The following ZNF385D variants were observed in gnomAD, a reference collection of about 807,000 sequenced individuals.
ZNF385D encodes zinc finger protein 385D.
In ZNF385D, 15 loss-of-function variants were observed where a neutral mutation model predicts 35.8. That is an observed-to-expected ratio of 0.42 (90% confidence interval 0.28 to 0.64). The LOEUF is 0.64. Ranked by LOEUF, ZNF385D falls within the 30% of genes least tolerant of loss-of-function variation. The pLI, the probability that ZNF385D is intolerant of heterozygous loss-of-function variation, is 0.23. For synonymous variants in ZNF385D, 212 were observed against 186.8 expected (o/e 1.13, Z -1.10); for missense variants, 474 against 494.6 (o/e 0.96, Z 0.39).
intron 3 of ZNF385D, among the ~76,000 whole-genome samples, chr3:22,056,647 A>G (rs1699417949): frequency 6.6e-6 from 1 of 152,256 alleles, no homozygotes; most frequent in Non-Finnish European, 1.5e-5. Flanking sequence ...GACAGTTTTA[A>G]TTCAAAACTA....
chr3:21,493,532 A>G (rs991880783), intron 4 of ZNF385D, among the ~76,000 whole-genome samples: 2 of 152,092 alleles, frequency 1.3e-5, no homozygotes, highest in Middle Eastern at 3.2e-3. Flanking sequence ...ACACTAACTT[A>G]TTTTTAAGTA....
intron 3 of ZNF385D, among the ~76,000 whole-genome samples, chr3:22,041,097 C>T (rs1698637227): frequency 6.6e-6 from 1 of 152,212 alleles, no homozygotes; most frequent in South Asian, 2.1e-4. Flanking sequence ...AGTTCTCCCG[C>T]TCTGTCACTC....
intron 3 of ZNF385D, among the ~76,000 whole-genome samples, chr3:21,768,217 G>C (rs369721408): frequency 6.6e-6 from 1 of 152,166 alleles, no homozygotes. Context: ...CTTAAAGATA[G>C]AGTTATTACC....
chr3:21,953,763 T>C (rs966753001), intron 3 of ZNF385D, among the ~76,000 whole-genome samples: 23 of 151,972 alleles, frequency 1.5e-4, no homozygotes, highest in Non-Finnish European at 2.2e-4. Flanking sequence ...CCTGAGAGAG[T>C]AATTTACTTA....
intron 2 of ZNF385D, among the ~76,000 whole-genome samples, chr3:22,200,381 C>G (rs1041034835): frequency 5.9e-5 from 9 of 151,542 alleles, no homozygotes. Context: ...TGATGCCCCA[C>G]AAGCCGTAAA....
chr3:22,084,221 C>T (rs1265306515), intron 3 of ZNF385D, among the ~76,000 whole-genome samples: 1 of 152,158 alleles, frequency 6.6e-6, no homozygotes, highest in African/African-American at 2.4e-5. Context: ...GGATCAAATT[C>T]ACACATAACA....
At chr3:22,086,034 G>A (rs78347844) in intron 3 of ZNF385D, among the ~76,000 whole-genome samples, 23 of 152,128 alleles carry the variant, frequency 1.5e-4, no homozygotes, top group Non-Finnish European at 2.8e-4. Flanking sequence ...AATAAATTAG[G>A]TGTTGATGGC....
chr3:21,874,479 C>G (rs1575817403), intron 3 of ZNF385D, among the ~76,000 whole-genome samples: 1 of 152,138 alleles, frequency 6.6e-6, no homozygotes, highest in South Asian at 2.1e-4. Context: ...GATTGCTTTA[C>G]TTGGTATGCA....
intron 2 of ZNF385D, among the ~76,000 whole-genome samples, chr3:22,290,020 T>A (rs1702219216): frequency 6.6e-6 from 1 of 152,122 alleles, no homozygotes; most frequent in Non-Finnish European, 1.5e-5. Flanking sequence ...TCTGCCTCAA[T>A]CTTGAGAGAA....
Position 22,279,583 on chromosome 3 carries a change from TAC to T in ZNF385D, c.106+92865_106+92866del, listed in dbSNP as rs574110493. Among the ~76,000 whole-genome samples the T allele has an allele frequency of 1.1e-3, 159 of 142,962 alleles. 2 individuals carry two copies. The highest frequency in any genetic ancestry group is 3.8e-3 in the African/African-American group (143 of 37,796). 93.8% of individuals were successfully genotyped at this position (142,962 alleles called of 152,430 possible). On this transcript the variant is annotated intron_variant, in intron 2 of 5. Transcript: ENST00000494108. ...ATGTACATATATATGTATATACATA[TAC>T]ATATGTACATATATATGTATATACA...
At chr3:22,263,277 C>CA (rs1700728097) in intron 2 of ZNF385D, among the ~76,000 whole-genome samples, 1 of 152,040 alleles carries the variant, frequency 6.6e-6, no homozygotes, top group Non-Finnish European at 1.5e-5. Context: ...CAAAGCTGCC[C>CA]ATCTTGCTGT....
chr3:22,165,869 C>G (rs947752023), intron 3 of ZNF385D, among the ~76,000 whole-genome samples: 1 of 152,178 alleles, frequency 6.6e-6, no homozygotes, highest in African/African-American at 2.4e-5. Flanking sequence ...ACAGAATTTT[C>G]TGACCTACTT....
At chr3:21,566,331 T>TAACA (rs770481148) in intron 2 of ZNF385D, among the ~76,000 whole-genome samples, 1 of 152,246 alleles carries the variant, frequency 6.6e-6, no homozygotes, top group Non-Finnish European at 1.5e-5. Context: ...TTTTAGGTAT[T>TAACA]AACAAATTAT....
chr3:21,493,437 C>A (rs1265593929), intron 4 of ZNF385D, among the ~76,000 whole-genome samples: 1 of 151,980 alleles, frequency 6.6e-6, no homozygotes, highest in Non-Finnish European at 1.5e-5. Context: ...GTTTAAAAAG[C>A]TATATAAATT....
chr3:21,589,470 A>T (rs867415468), intron 2 of ZNF385D, among the ~76,000 whole-genome samples: 1 of 152,208 alleles, frequency 6.6e-6, no homozygotes, highest in Non-Finnish European at 1.5e-5. Context: ...CAAAATTTTT[A>T]CCTTATAAGA....
At chr3:22,175,710 T>A (rs1317796055) in intron 2 of ZNF385D, among the ~76,000 whole-genome samples, 1 of 151,732 alleles carries the variant, frequency 6.6e-6, no homozygotes, top group Non-Finnish European at 1.5e-5. Context: ...GAGTATTGCT[T>A]ACATCTGTAT....
intron 2 of ZNF385D, among the ~76,000 whole-genome samples, chr3:22,211,694 G>A (rs985462250): frequency 2.0e-5 from 3 of 151,922 alleles, no homozygotes; most frequent in African/African-American, 7.2e-5. Flanking sequence ...TAGGAAAACA[G>A]GAGGATAGTG....
Position 22,220,350 on chromosome 3 carries a change from T to C in ZNF385D, c.107-51315A>G, listed in dbSNP as rs577810299. ...AAAGTGCTGGAATTACAGGACACTT[T>C]AGGAGCCACTGCCTCCAGCAAAAAG... On this transcript the variant is annotated intron_variant, in intron 2 of 5. Transcript: ENST00000494108. Among the ~76,000 whole-genome samples the C allele has an allele frequency of 1.8e-4, 28 of 152,276 alleles. No homozygotes were observed. In the South Asian group the frequency reaches 5.2e-3, roughly 28 times the overall value.
intron 3 of ZNF385D, among the ~76,000 whole-genome samples, chr3:21,927,944 C>T (rs1700813965): frequency 6.6e-6 from 1 of 152,088 alleles, no homozygotes; most frequent in African/African-American, 2.4e-5. Context: ...ATCACATTGG[C>T]TAGACATGGT....
Sources: gnomAD v4.1 joint callset for allele counts (sites outside exome capture counted in the v4.1 genomes callset) on GRCh38, gnomAD v4.1.1 for gene constraint, MANE v1.5 for transcripts, NCBI Gene and HGNC (gene_info 2026-07-23, HGNC 2026-07-21) for gene names.